The following ARID1B variants were observed in gnomAD, a reference collection of about 807,000 sequenced individuals.
ARID1B encodes the protein AT-rich interactive domain-containing protein 1B.
ARID1B carries 30 observed loss-of-function variants against 212.3 expected under a neutral mutation model. The ratio of observed to expected loss-of-function variants is 0.14; its 90% CI spans 0.11 to 0.19. ARID1B has a LOEUF of 0.19. Among genes scored for constraint, ARID1B ranks in the 10% least tolerant of loss-of-function variants. ARID1B has a pLI of 1.00. For missense variants in ARID1B, 2,891 were observed against 3,204.0 expected (o/e 0.90, Z 2.36); for synonymous variants, 1,402 against 1,301.7 (o/e 1.08, Z -1.66).
At chr6:156,952,340 G>A (rs1011900443) in intron 4 of ARID1B, among the ~76,000 whole-genome samples, 1 of 152,178 alleles carries the variant, frequency 6.6e-6, no homozygotes, top group Admixed American at 6.5e-5. Context: ...GTTTGTGAGT[G>A]AATTTATGTG....
intron 3 of ARID1B, among the ~76,000 whole-genome samples, chr6:156,923,634 G>A (rs1259272499): frequency 6.6e-6 from 1 of 152,058 alleles, no homozygotes; most frequent in African/African-American, 2.4e-5. Context: ...AGAATTATTA[G>A]CAGCTGCTGT....
intron 1 of ARID1B, among the ~76,000 whole-genome samples, chr6:156,799,985 A>G (rs1345777422): frequency 6.6e-6 from 1 of 151,924 alleles, no homozygotes; most frequent in Non-Finnish European, 1.5e-5. Context: ...CCCACCCGGA[A>G]CCCTCACCCC....
At chr6:156,965,555 A>C (rs6940978) in intron 4 of ARID1B, among the ~76,000 whole-genome samples, 86,419 of 152,146 alleles carry the variant, frequency 0.57, 25,280 homozygotes, top group African/African-American at 0.71. Context: ...TTGTAGAAAG[A>C]GTAGATTAAA....
At chr6:156,813,682 T>G (rs1016194997) in intron 1 of ARID1B, among the ~76,000 whole-genome samples, 7 of 152,212 alleles carry the variant, frequency 4.6e-5, no homozygotes, top group Admixed American at 2.6e-4. Flanking sequence ...GCATTTGAAT[T>G]TGTCGAACCC....
At chr6:157,062,876 T>C (rs1231244565) in intron 4 of ARID1B, among the ~76,000 whole-genome samples, 2 of 151,750 alleles carry the variant, frequency 1.3e-5, no homozygotes, top group African/African-American at 4.8e-5. Context: ...CCTAATTTTT[T>C]GTATTTTTAG....
chr6:156,964,767 T>C lies in ARID1B; in HGVS notation c.2247+29191T>C, dbSNP rs146791776. ...GCATGATTTAACACTAAGGTTATTATATAAGTCTTATATATGTGATCTGTA... is the reference window on the plus strand; with the variant it reads ...GCATGATTTAACACTAAGGTTATTACATAAGTCTTATATATGTGATCTGTA... On this transcript the variant is annotated intron_variant, in intron 4 of 19. Transcript: ENST00000636930. Among the ~76,000 whole-genome samples, 14 of 152,374 alleles carry C rather than the reference T, an allele frequency of 9.2e-5. No homozygotes were observed. The East Asian group carries it at 2.7e-3, about 29-fold the overall frequency.
intron 4 of ARID1B, among the ~76,000 whole-genome samples, chr6:156,949,697 G>A (rs1793435887): frequency 6.6e-6 from 1 of 152,128 alleles, no homozygotes. Flanking sequence ...ATGCCACTGA[G>A]GTTCTTCTGC....
At chr6:156,931,985 A>G (rs1017568462) in intron 3 of ARID1B, among the ~76,000 whole-genome samples, 6 of 145,024 alleles carry the variant, frequency 4.1e-5, no homozygotes, top group East Asian at 4.0e-4. Flanking sequence ...AAAAAAAAAA[A>G]TCAGCCAGGC....
intron 8 of ARID1B, among the ~76,000 whole-genome samples, chr6:157,158,029 AAAT>A (rs1044045317): frequency 2.0e-5 from 3 of 152,230 alleles, no homozygotes; most frequent in Non-Finnish European, 4.4e-5. Context: ...GTCTCTTAAA[AAAT>A]AATAATAATA....
At chr6:156,868,559 A>G (rs1470985894) in intron 2 of ARID1B, among the ~76,000 whole-genome samples, 1 of 152,168 alleles carries the variant, frequency 6.6e-6, no homozygotes, top group East Asian at 1.9e-4. Context: ...GGACTGTGCC[A>G]TTGGGCTGTG....
intron 1 of ARID1B, among the ~76,000 whole-genome samples, chr6:156,811,755 A>C (rs1205789065): frequency 6.6e-6 from 1 of 152,180 alleles, no homozygotes; most frequent in Admixed American, 6.5e-5. Context: ...GCTAGTCCCA[A>C]ATACAATCAC....
intron 4 of ARID1B, among the ~76,000 whole-genome samples, chr6:157,073,454 A>G (rs535052263): frequency 1.9e-4 from 29 of 152,294 alleles, no homozygotes; most frequent in Admixed American, 1.6e-3. Context: ...TCATTTACAC[A>G]TTCTTTACTC....
intron 4 of ARID1B, among the ~76,000 whole-genome samples, chr6:157,029,914 G>A (rs535171134): frequency 7.9e-5 from 12 of 152,320 alleles, no homozygotes; most frequent in African/African-American, 2.4e-4. Flanking sequence ...AATTGGCTGC[G>A]TGGATGCTTT....
At chr6:157,091,197 G>A (rs931449957) in intron 5 of ARID1B, among the ~76,000 whole-genome samples, 2 of 152,120 alleles carry the variant, frequency 1.3e-5, no homozygotes, top group Non-Finnish European at 2.9e-5. Flanking sequence ...ATTCCTAGAG[G>A]GCGAGAGATG....
Position 157,079,438 on chromosome 6 carries a change from G to C in ARID1B, c.2248-5224G>C, listed in dbSNP as rs116105019. On this transcript the variant is annotated intron_variant, in intron 4 of 19. Transcript: ENST00000636930. ...GTGTGTATGTGTCTGTCAATTTATT[G>C]ACTCAATTCTCATATCAATTTCAAG... is the stretch of plus-strand genomic sequence containing the variant. Among the ~76,000 whole-genome samples, 1,347 of 152,240 alleles carry C rather than the reference G, an allele frequency of 8.8e-3. 25 individuals are homozygous for C. Among genetic ancestry groups the C allele is most frequent in the African/African-American group, 0.031 (1,297 of 41,544 alleles).
chr6:157,116,348 C>T (rs910915051), intron 6 of ARID1B, among the ~76,000 whole-genome samples: 1 of 151,650 alleles, frequency 6.6e-6, no homozygotes, highest in Non-Finnish European at 1.5e-5. Context: ...TTTTCGAAAA[C>T]CTTCTAATTG....
chr6:157,163,632 G>T (rs1791103813), intron 8 of ARID1B, among the ~76,000 whole-genome samples: 1 of 152,146 alleles, frequency 6.6e-6, no homozygotes, highest in Non-Finnish European at 1.5e-5. Flanking sequence ...TGCCCTGGAG[G>T]CCCAGTAGGC....
chr6:156,784,907 A>C (rs559553056), intron 1 of ARID1B, among the ~76,000 whole-genome samples: 1 of 152,260 alleles, frequency 6.6e-6, no homozygotes, highest in African/African-American at 2.4e-5. Context: ...CTACAGGTGC[A>C]CGCCATCACA....
intron 2 of ARID1B, among the ~76,000 whole-genome samples, chr6:156,838,222 C>T (rs1783646030): frequency 6.6e-6 from 1 of 152,060 alleles, no homozygotes; most frequent in Admixed American, 6.6e-5. Flanking sequence ...AAGTCAAGAT[C>T]TATAAAACAC....
Sources: gnomAD v4.1 joint callset for allele counts (sites outside exome capture counted in the v4.1 genomes callset) on GRCh38, gnomAD v4.1.1 for gene constraint, MANE v1.5 for transcripts, NCBI Gene and HGNC (gene_info 2026-07-23, HGNC 2026-07-21) for gene names.